SLC5A6: variants seen among roughly 807,000 people sequenced by gnomAD.
SLC5A6 encodes the protein sodium-dependent multivitamin transporter.
Under a neutral mutation model 67.9 loss-of-function variants are expected in SLC5A6, and 31 were observed. The observed-to-expected ratio is 0.46, with a 90% CI of 0.34 to 0.62. SLC5A6 has a LOEUF of 0.62. SLC5A6 is among the 20% of genes least tolerant of loss of function. SLC5A6 has a pLI of 0.01. For synonymous variants in SLC5A6, 343 were observed against 331.0 expected, an observed-to-expected ratio of 1.04 and a Z score of -0.39; for missense variants, 673 against 812.8, an observed-to-expected ratio of 0.83 and a Z score of 2.09.
At chr2:27,212,543 C>T (rs1288240372), upstream of SLC5A6, 55 of 1,500,222 alleles carry the variant, frequency 3.7e-5, no homozygotes, top group Middle Eastern at 9.9e-4. Context: ...AGCGGCTCCC[C>T]CTTCTCCTCG....
intron 14 of SLC5A6, 76 bp downstream of exon 14, chr2:27,201,590 T>A: frequency 6.8e-7 from 1 of 1,478,734 alleles, no homozygotes; most frequent in Non-Finnish European, 9.4e-7. Context: ...TGGTGGCCCA[T>A]CCCTTAGCAA....
At chr2:27,202,115 A>G (rs1673690623) in intron 12 of SLC5A6, 41 bp from the exon 13 acceptor site, 2 of 1,418,578 alleles carry the variant, frequency 1.4e-6, no homozygotes. Context: ...AAGAACACAG[A>G]CTCAGAGATG....
At position 27,207,862 on chromosome 2, in the gene SLC5A6, G is replaced by A. The variant is rs773220530; in HGVS notation, c.-140-72C>T. 18 of 583,414 alleles carry A rather than the reference G, an allele frequency of 3.1e-5. No individual in the cohort carries two copies. The highest frequency in any genetic ancestry group is 5.6e-5 in the East Asian group (2 of 35,724). The allele number at this position is 583,414 out of a possible 1,614,324, so 36.1% of individuals were successfully genotyped here. ...CATTCACCCTTGGGCCTTGTACATC[G>A]CATGCCATCAGAAGTGGACCAGCCA... On this transcript the variant is annotated intron_variant, in intron 2 of 16. Coordinates refer to ENST00000310574, the MANE Select transcript of SLC5A6 (RefSeq NM_021095.4). This position sits in a 1 kb window ranked among gnomAD's most constrained non-coding sequence, Gnocchi z 5.5.
chr2:27,202,555 G>A (rs1379917953), intron 12 of SLC5A6, among the ~76,000 whole-genome samples: 5 of 150,572 alleles, frequency 3.3e-5, no homozygotes, highest in East Asian at 1.9e-4. Flanking sequence ...AGGCTGCTAG[G>A]GGGCTGATGG....
rs751036163 is a variant in SLC5A6 at position 27,207,294 on chromosome 2, G to A, written c.357C>T (p.Pro119=). ...GLLIPAHIFI[P]VFYRLHLTSA... Reference sequence around the variant, plus strand: ...TGGTGAGATGCAGGCGGTAGAAAACGGGGATGAAGATGTGTGCAGGTATCA... The same window carrying A: ...TGGTGAGATGCAGGCGGTAGAAAACAGGGATGAAGATGTGTGCAGGTATCA... Residue 119 remains proline (P), a synonymous_variant, in exon 3 of 17, where the codon CCC becomes CCT. Coordinates refer to ENST00000310574, the MANE Select transcript of SLC5A6 (RefSeq NM_021095.4). The surrounding 1 kb of genome is among the most constrained non-coding windows in gnomAD (Gnocchi z 5.5). 1.4e-5 allele frequency: 23 copies of A among 1,613,842 alleles called. No homozygotes were observed. In the South Asian group the frequency reaches 1.6e-4, roughly 12 times the overall value.
At position 27,202,865 on chromosome 2, in the gene SLC5A6, A is replaced by G. The variant is rs761336598; in HGVS notation, c.1223T>C (p.Leu408Pro). The G allele has an allele frequency of 6.2e-7, 1 of 1,614,022 alleles. No individual in the cohort carries two copies. Among genetic ancestry groups the G allele is most frequent in the East Asian group, 2.2e-5 (1 of 44,876 alleles). ...LSRGLAFGYG[L>P]LCLGMAYISS... ...AATATAGGCCATTCCTAGACAAAGC[A>G]GCCCATAGCCAAAGGCTGGGGGAAA... Residue 408 changes from leucine (L) to proline (P), a missense_variant, in exon 12 of 17, where the codon CTG becomes CCG. By Grantham distance (98) the Leu-to-Pro change is moderately conservative. Transcript: ENST00000310574.
In SLC5A6 at chr2:27,200,695, G is replaced by T; in HGVS notation, c.1765-116C>A. ...GAGCCCAGCAAGGCTGGGTTCGGGAGGGAGAGCAGGGGGAAAAGAGGGAGG... is the reference window on the plus strand; with the variant it reads ...GAGCCCAGCAAGGCTGGGTTCGGGATGGAGAGCAGGGGGAAAAGAGGGAGG... On this transcript the variant is annotated intron_variant, in intron 16 of 16. Coordinates refer to ENST00000310574, the MANE Select transcript of SLC5A6 (RefSeq NM_021095.4). 9.7e-7 allele frequency: 1 copy of T among 1,031,578 alleles called. No individual in the cohort carries two copies. The highest frequency in any genetic ancestry group is 1.4e-6 in the Non-Finnish European group (1 of 698,210). 63.9% of individuals were successfully genotyped at this position (1,031,578 alleles called of 1,614,324 possible).
Position 27,204,610 on chromosome 2 carries a change from CAGG to C in SLC5A6, c.876-23_876-21del, listed in dbSNP as rs745802550. Reference sequence around the variant, plus strand: ...CAGGAGCTGCAAAAGAGGTCAGTGCCAGGAGGAGAGCCGGCGTTAACAGACACC... The same window carrying C: ...CAGGAGCTGCAAAAGAGGTCAGTGCCAGGAGAGCCGGCGTTAACAGACACC... On this transcript the variant is annotated intron_variant, in intron 8 of 16. Transcript: ENST00000310574. 5.6e-6 allele frequency: 9 copies of C among 1,613,228 alleles called. No homozygotes were observed. The highest frequency in any genetic ancestry group is 1.7e-5 in the Admixed American group (1 of 59,966).
intron 2 of SLC5A6, among the ~76,000 whole-genome samples, chr2:27,209,604 C>G (rs1182518632): frequency 6.6e-6 from 1 of 152,188 alleles, no homozygotes; most frequent in Non-Finnish European, 1.5e-5. Flanking sequence ...TTCCCAGAAC[C>G]AGGACAGGAG....
intron 6 of SLC5A6, 41 bp downstream of exon 6, chr2:27,205,985 T>A (rs1674031826): frequency 6.8e-7 from 1 of 1,463,018 alleles, no homozygotes. Flanking sequence ...CCTCCTTACT[T>A]CATCCCTTCC....
Position 27,212,005 on chromosome 2 carries a change from T to G in SLC5A6, c.-208+15A>C. 24 of 476,110 alleles carry G rather than the reference T, an allele frequency of 5.0e-5. No homozygotes were observed. The highest frequency in any genetic ancestry group is 7.5e-5 in the Non-Finnish European group (22 of 293,866). The allele number at this position is 476,110 out of a possible 1,614,324, so 29.5% of individuals were successfully genotyped here. Reference sequence around the variant, plus strand: ...CGCCCCCTGCCCGCCCCGCTCGCCGTGCCGCCATGTTTACTGAGGGCGGAT... The same window carrying G: ...CGCCCCCTGCCCGCCCCGCTCGCCGGGCCGCCATGTTTACTGAGGGCGGAT... On this transcript the variant is annotated intron_variant, in intron 1 of 16. Coordinates refer to ENST00000310574, the MANE Select transcript of SLC5A6 (RefSeq NM_021095.4).
Position 27,212,195 on chromosome 2 carries a change from C to T in SLC5A6, c.-383G>A, listed in dbSNP as rs1259161343. ...GTCGGCCAGTATCCCCGAAAGAGGG[C>T]TAGGGCGCATGAAGACCAGCGCAGA... On this transcript the variant is annotated 5_prime_UTR_variant, in exon 1 of 17. Transcript: ENST00000310574. 6.4e-7 allele frequency: 1 copy of T among 1,551,532 alleles called. No individual in the cohort carries two copies. Among genetic ancestry groups the T allele is most frequent in the Non-Finnish European group, 8.7e-7 (1 of 1,148,176 alleles).
At chr2:27,211,956 C>A in intron 1 of SLC5A6, 64 bp downstream of exon 1, 1 of 493,462 alleles carries the variant, frequency 2.0e-6, no homozygotes, top group Non-Finnish European at 3.5e-6. Context: ...TGGCCGGGAG[C>A]CCGCGGGGGC....
chr2:27,212,245 A>T lies in SLC5A6; in HGVS notation c.-433T>A. The T allele has an allele frequency of 6.4e-7, 1 of 1,561,142 alleles. No homozygotes were observed. The highest frequency in any genetic ancestry group is 8.7e-7 in the Non-Finnish European group (1 of 1,153,192). ...AGCTCCACGAGCAGGAAAAGCCCCC[A>T]AGCAGCCCCAGGGCGACTGGACCGG... is the stretch of plus-strand genomic sequence containing the variant. On this transcript the variant is annotated 5_prime_UTR_variant, in exon 1 of 17. Transcript: ENST00000310574.
Position 27,211,833 on chromosome 2 carries a change from T to A in SLC5A6, c.-208+187A>T, listed in dbSNP as rs369197584. 4.5e-4 allele frequency: 96 copies of A among 211,326 alleles called. 1 individual carries two copies. The highest frequency in any genetic ancestry group is 2.1e-3 in the African/African-American group (90 of 42,504). The allele number at this position is 211,326 out of a possible 1,614,324, so 13.1% of individuals were successfully genotyped here. ...CGCTCCGCCCCTCCCCGCCCCCTTG[T>A]CCCCGCCCCGGCTCAGACGCCGCTC... On this transcript the variant is annotated intron_variant, in intron 1 of 16. Transcript: ENST00000310574.
At chr2:27,201,288 G>T in intron 15 of SLC5A6, 62 bp downstream of exon 15, 1 of 1,167,846 alleles carries the variant, frequency 8.6e-7, no homozygotes, top group Non-Finnish European at 1.3e-6. Flanking sequence ...TCTCCCTAGA[G>T]TCCCTTAGGG....
rs753022433 is a variant in SLC5A6, at chr2:27,206,954, GA to G, written c.394-13del. ...CGAAGCTCCAGGTACTGGGTATACA[GA>G]AAAAAAGATTTTTCTCCTGACTTCA... On this transcript the variant is annotated splice_polypyrimidine_tract_variant and intron_variant, in intron 3 of 16. Coordinates refer to ENST00000310574, the MANE Select transcript of SLC5A6 (RefSeq NM_021095.4). The G allele has an allele frequency of 1.4e-5, 23 of 1,609,718 alleles. No individual in the cohort carries two copies. The highest frequency in any genetic ancestry group is 1.6e-5 in the Non-Finnish European group (19 of 1,176,294).
chr2:27,212,204 A>C lies in SLC5A6; in HGVS notation c.-392T>G. The C allele has an allele frequency of 6.4e-7, 1 of 1,555,508 alleles. No homozygotes were observed. Among genetic ancestry groups the C allele is most frequent in the Non-Finnish European group, 8.7e-7 (1 of 1,150,084 alleles). ...TATCCCCGAAAGAGGGCTAGGGCGC[A>C]TGAAGACCAGCGCAGAGCTCCACGA... On this transcript the variant is annotated 5_prime_UTR_variant, in exon 1 of 17. The change abolishes an upstream ATG in the 5' untranslated region. Transcript: ENST00000310574.
intron 2 of SLC5A6, among the ~76,000 whole-genome samples, 167 bp downstream of exon 2, chr2:27,211,300 A>G (rs902665872): frequency 6.6e-6 from 1 of 152,172 alleles, no homozygotes. Flanking sequence ...CCATGGGGGT[A>G]ATGTGGAAGG....
Sources: gnomAD v4.1 joint callset for allele counts (sites outside exome capture counted in the v4.1 genomes callset) on GRCh38, gnomAD v4.1.1 for gene constraint, Gnocchi (gnomAD v3.1) non-coding constraint, MANE v1.5 for transcripts, NCBI Gene and HGNC (gene_info 2026-07-23, HGNC 2026-07-21) for gene names.